TRPM3: variants seen among roughly 807,000 people sequenced by gnomAD.
TRPM3 encodes the protein transient receptor potential cation channel subfamily M member 3, also known as long transient receptor potential channel 3.
A neutral mutation model predicts 181.2 loss-of-function variants in TRPM3; 77 were observed. The observed-to-expected ratio is 0.42, with a 90% CI of 0.35 to 0.51. The LOEUF (loss-of-function observed/expected upper bound fraction) is 0.51, where lower values mean the gene tolerates loss of function less well. Among genes scored for constraint, TRPM3 ranks in the 20% least tolerant of loss-of-function variants. The pLI, the probability that TRPM3 is intolerant of heterozygous loss-of-function variation, is 0.01. For missense variants in TRPM3, 1,759 were observed against 2,196.7 expected (o/e 0.80, Z 3.98); for synonymous variants, 745 against 796.4 (o/e 0.94, Z 1.09).
chr9:71,179,637 G>C (rs186431712), intron 1 of TRPM3, among the ~76,000 whole-genome samples: 3 of 152,244 alleles, frequency 2.0e-5, no homozygotes, highest in Admixed American at 6.5e-5. Context: ...GGAAATCACA[G>C]ACTCCATGTT....
At chr9:71,428,842 T>A (rs2093913277) in intron 1 of TRPM3, among the ~76,000 whole-genome samples, 1 of 150,864 alleles carries the variant, frequency 6.6e-6, no homozygotes, top group East Asian at 2.0e-4. Flanking sequence ...CTTATAATCA[T>A]CAAGTTGACC....
At chr9:70,674,664 A>G (rs887095506) in intron 9 of TRPM3, among the ~76,000 whole-genome samples, 3 of 150,652 alleles carry the variant, frequency 2.0e-5, no homozygotes, top group Admixed American at 6.6e-5. Flanking sequence ...GGCTCAAGCA[A>G]TCCTCTCACC....
intron 5 of TRPM3, among the ~76,000 whole-genome samples, chr9:70,841,642 AT>A (rs1265537133): frequency 2.3e-5 from 3 of 130,952 alleles, no homozygotes; most frequent in South Asian, 2.3e-4. Flanking sequence ...ATATATATAT[AT>A]ATATATATAT....
At chr9:71,332,376 GGTGTGTGTGTGTGTGTGTGT>G (rs3041716) in intron 1 of TRPM3, among the ~76,000 whole-genome samples, 2 of 142,324 alleles carry the variant, frequency 1.4e-5, no homozygotes, top group South Asian at 4.6e-4. Context: ...TTCAATGTTG[GGTGTGTGTGTGTGTGTGTGT>G]GTGTGTGTGT....
intron 9 of TRPM3, among the ~76,000 whole-genome samples, chr9:70,667,186 T>C (rs908682298): frequency 6.6e-6 from 1 of 151,874 alleles, no homozygotes; most frequent in African/African-American, 2.4e-5. Context: ...TATTTAAGAG[T>C]GGGCATAAGA....
intron 1 of TRPM3, among the ~76,000 whole-genome samples, chr9:71,266,759 G>A (rs1238570347): frequency 6.6e-6 from 1 of 152,008 alleles, no homozygotes; most frequent in Non-Finnish European, 1.5e-5. Flanking sequence ...CATTGATTAG[G>A]AACTTCTCAA....
chr9:71,365,320 A>G (rs1309859830), intron 1 of TRPM3, among the ~76,000 whole-genome samples: 1 of 152,242 alleles, frequency 6.6e-6, no homozygotes, highest in Non-Finnish European at 1.5e-5. Context: ...TGTAAAGATT[A>G]TAATGAAAAA....
At chr9:71,109,744 A>T (rs1053319566) in intron 1 of TRPM3, among the ~76,000 whole-genome samples, 2 of 152,142 alleles carry the variant, frequency 1.3e-5, no homozygotes, top group Non-Finnish European at 2.9e-5. Flanking sequence ...GGGCAAATAC[A>T]AGATGCAGAG....
At chr9:71,440,472 T>C (rs1176808093) in intron 1 of TRPM3, among the ~76,000 whole-genome samples, 3 of 152,244 alleles carry the variant, frequency 2.0e-5, no homozygotes, top group Admixed American at 6.5e-5. Context: ...TCTTTCCAAA[T>C]TGCAAAATCC....
intron 1 of TRPM3, among the ~76,000 whole-genome samples, chr9:70,994,585 A>C (rs1411685026): frequency 6.6e-6 from 1 of 152,064 alleles, no homozygotes; most frequent in East Asian, 1.9e-4. Context: ...ATGGCAGGGA[A>C]GTATACACAT....
chr9:71,010,928 CACAT>C (rs201703842), intron 1 of TRPM3, among the ~76,000 whole-genome samples: 3,303 of 69,754 alleles, frequency 0.047, 41 homozygotes, highest in Non-Finnish European at 0.072. Flanking sequence ...CACACACACA[CACAT>C]ACACACACAC....
chr9:71,004,320 G>A (rs565718092), intron 1 of TRPM3, among the ~76,000 whole-genome samples: 1 of 152,256 alleles, frequency 6.6e-6, no homozygotes, highest in Non-Finnish European at 1.5e-5. Flanking sequence ...TGATTAAGTA[G>A]TGGCACTAAC....
At chr9:71,390,775 G>A (rs946454738) in intron 1 of TRPM3, among the ~76,000 whole-genome samples, 7 of 152,162 alleles carry the variant, frequency 4.6e-5, no homozygotes, top group African/African-American at 1.7e-4. Flanking sequence ...CACTGTACTA[G>A]TAAAGGTGTA....
intron 1 of TRPM3, among the ~76,000 whole-genome samples, chr9:71,161,415 G>A (rs2076266608): frequency 6.6e-6 from 1 of 152,162 alleles, no homozygotes; most frequent in African/African-American, 2.4e-5. Flanking sequence ...GTATGAGTAT[G>A]TGTATTTTCC....
chr9:71,418,744 AT>A (rs1378188037), intron 1 of TRPM3, among the ~76,000 whole-genome samples: 1 of 148,672 alleles, frequency 6.7e-6, no homozygotes, highest in Non-Finnish European at 1.5e-5. Flanking sequence ...ATATATATAT[AT>A]ATCCTTTGAG....
chr9:70,772,837 C>T (rs529088292), intron 7 of TRPM3, among the ~76,000 whole-genome samples: 1 of 151,476 alleles, frequency 6.6e-6, no homozygotes, highest in East Asian at 1.9e-4. Flanking sequence ...GGGACTGCCA[C>T]ATGTCAGGTG....
intron 1 of TRPM3, among the ~76,000 whole-genome samples, chr9:71,115,575 C>T (rs1023246598): frequency 6.6e-6 from 1 of 152,140 alleles, no homozygotes; most frequent in Non-Finnish European, 1.5e-5. Context: ...GGTGTGGAAC[C>T]GCTGCTGGGT....
At chr9:71,027,739 A>G (rs1033691652) in intron 1 of TRPM3, among the ~76,000 whole-genome samples, 2 of 152,308 alleles carry the variant, frequency 1.3e-5, no homozygotes, top group Non-Finnish European at 2.9e-5. Context: ...TAGCTTTTGG[A>G]AATAAGACAG....
chr9:70,783,923 A>G (rs2083021955), intron 7 of TRPM3, 182 bp downstream of exon 7: 7 of 1,348,674 alleles, frequency 5.2e-6, no homozygotes, highest in African/African-American at 3.0e-5. Flanking sequence ...TTCACAGGAC[A>G]TTTAGAATAT....
Sources: gnomAD v4.1 joint callset for allele counts (sites outside exome capture counted in the v4.1 genomes callset) on GRCh38, gnomAD v4.1.1 for gene constraint, MANE v1.5 for transcripts, NCBI Gene and HGNC (gene_info 2026-07-23, HGNC 2026-07-21) for gene names.